MED13L: variants seen among roughly 807,000 people sequenced by gnomAD.
MED13L encodes the protein mediator complex subunit 13L.
Under a neutral mutation model 220.9 loss-of-function variants are expected in MED13L, and 7 were observed. The observed-to-expected ratio is 0.03, with a 90% CI of 0.02 to 0.06. The LOEUF (loss-of-function observed/expected upper bound fraction) is 0.06, where lower values mean the gene tolerates loss of function less well. MED13L is among the 10% of genes least tolerant of loss of function. MED13L has a pLI of 1.00. For synonymous variants in MED13L, 1,011 were observed against 1,015.2 expected (o/e 1.00, Z 0.08); for missense variants, 1,965 against 2,760.5 (o/e 0.71, Z 6.46).
rs141224767 is a variant in MED13L at position 116,169,418 on chromosome 12, TATAAC to T, written c.311-57911_311-57907del. On this transcript the variant is annotated intron_variant, in intron 2 of 30. Transcript: ENST00000281928. ...AAATGATTTCTGGAAATATAACTAA[TATAAC>T]ATACATAAATTTAGTGAGAAGAGGT... 5.4e-3 allele frequency among the ~76,000 whole-genome samples: 817 copies of T among 152,318 alleles called. 7 individuals are homozygous for T. The highest frequency in any genetic ancestry group is 0.018 in the African/African-American group (767 of 41,566).
intron 4 of MED13L, among the ~76,000 whole-genome samples, chr12:116,055,384 G>A (rs1282455792): frequency 6.6e-6 from 1 of 152,146 alleles, no homozygotes; most frequent in Non-Finnish European, 1.5e-5. Context: ...ATTAAAATAG[G>A]TGCAACTCAG....
At chr12:116,149,104 C>G (rs1230163861) in intron 2 of MED13L, among the ~76,000 whole-genome samples, 1 of 152,144 alleles carries the variant, frequency 6.6e-6, no homozygotes, top group Non-Finnish European at 1.5e-5. Flanking sequence ...GTACCATGTG[C>G]CCAGAATAGG....
At chr12:116,271,679 A>T (rs1254389934) in intron 1 of MED13L, among the ~76,000 whole-genome samples, 1 of 152,142 alleles carries the variant, frequency 6.6e-6, no homozygotes, top group Non-Finnish European at 1.5e-5. Context: ...GGTGGCCAAC[A>T]TCACACAACA....
At chr12:116,135,072 G>A (rs147700468) in intron 2 of MED13L, among the ~76,000 whole-genome samples, 1 of 152,316 alleles carries the variant, frequency 6.6e-6, no homozygotes, top group East Asian at 1.9e-4. Flanking sequence ...GGGAGGCTGA[G>A]ACAGGAGAAT....
At chr12:116,126,602 C>A (rs941141103) in intron 2 of MED13L, among the ~76,000 whole-genome samples, 1 of 152,060 alleles carries the variant, frequency 6.6e-6, no homozygotes, top group African/African-American at 2.4e-5. Flanking sequence ...CAAATAAATA[C>A]AAAGAGTTTG....
At chr12:116,097,942 G>A (rs973901207) in intron 3 of MED13L, among the ~76,000 whole-genome samples, 2 of 152,128 alleles carry the variant, frequency 1.3e-5, no homozygotes, top group African/African-American at 4.8e-5. Context: ...GAGTATAACT[G>A]ATTTTAAAAA....
chr12:116,167,537 T>C (rs927147131), intron 2 of MED13L, among the ~76,000 whole-genome samples: 17 of 152,188 alleles, frequency 1.1e-4, no homozygotes, highest in African/African-American at 4.1e-4. Flanking sequence ...GTAAGGGCCA[T>C]CACTTACAAG....
chr12:116,250,724 C>T (rs1310657308), intron 1 of MED13L, among the ~76,000 whole-genome samples: 1 of 142,910 alleles, frequency 7.0e-6, no homozygotes, highest in Non-Finnish European at 1.5e-5. Flanking sequence ...TTGCAGTGAG[C>T]TGAGATCGCA....
chr12:116,171,666 T>C (rs921144044), intron 2 of MED13L, among the ~76,000 whole-genome samples: 1 of 152,182 alleles, frequency 6.6e-6, no homozygotes, highest in Non-Finnish European at 1.5e-5. Context: ...CTGATGAAGA[T>C]AAAGGCAACT....
At chr12:116,249,780 C>T (rs528980057) in intron 1 of MED13L, among the ~76,000 whole-genome samples, 9 of 92,508 alleles carry the variant, frequency 9.7e-5, no homozygotes, top group Non-Finnish European at 2.1e-4. Flanking sequence ...TTAAAACATA[C>T]GATATTAACT....
intron 3 of MED13L, among the ~76,000 whole-genome samples, chr12:116,110,891 A>AG (rs1463353045): frequency 6.6e-6 from 1 of 152,184 alleles, no homozygotes; most frequent in Non-Finnish European, 1.5e-5. Flanking sequence ...ATGTCAAGAA[A>AG]GAAAAAAAAG....
intron 17 of MED13L, 33 bp downstream of exon 17, chr12:115,990,987 C>T (rs768349809): frequency 8.7e-6 from 14 of 1,601,528 alleles, no homozygotes; most frequent in Non-Finnish European, 5.1e-6. Context: ...CCAAGATACT[C>T]CTCAAAGTAA....
intron 2 of MED13L, among the ~76,000 whole-genome samples, chr12:116,189,106 T>A (rs1049267033): frequency 6.6e-6 from 1 of 152,192 alleles, no homozygotes; most frequent in Non-Finnish European, 1.5e-5. Context: ...ATAGTTGGCA[T>A]GTTTTGTTTT....
At position 116,086,577 on chromosome 12, in the gene MED13L, C is replaced by T. The variant is rs567537479; in HGVS notation, c.479+10092G>A. On this transcript the variant is annotated intron_variant, in intron 4 of 30. Transcript: ENST00000281928. ...GATTACAGGCGTGAGCTACTGTGCC[C>T]GCCCCATGATATTCTTTAACCATAA... is the stretch of plus-strand genomic sequence containing the variant. Among the ~76,000 whole-genome samples the T allele has an allele frequency of 4.6e-5, 7 of 152,130 alleles. No individual in the cohort carries two copies. In the East Asian group the frequency reaches 5.8e-4, roughly 13 times the overall value.
At chr12:116,127,873 C>T (rs1875725997) in intron 2 of MED13L, among the ~76,000 whole-genome samples, 1 of 152,162 alleles carries the variant, frequency 6.6e-6, no homozygotes, top group Non-Finnish European at 1.5e-5. Context: ...ATTTAATAAG[C>T]TCCTTACCAT....
At chr12:116,165,433 C>T (rs1322270675) in intron 2 of MED13L, among the ~76,000 whole-genome samples, 2 of 151,922 alleles carry the variant, frequency 1.3e-5, no homozygotes, top group East Asian at 3.9e-4. Flanking sequence ...CGAGTTCACG[C>T]CATTCTCCTA....
At chr12:116,236,080 A>T (rs953578557) in intron 2 of MED13L, among the ~76,000 whole-genome samples, 4 of 152,194 alleles carry the variant, frequency 2.6e-5, no homozygotes, top group African/African-American at 9.6e-5. Context: ...GTGACATCTT[A>T]TTTTTAAAAT....
At chr12:115,981,577 G>A (rs1257257638) in intron 22 of MED13L, among the ~76,000 whole-genome samples, 1 of 152,088 alleles carries the variant, frequency 6.6e-6, no homozygotes, top group African/African-American at 2.4e-5. Flanking sequence ...AACCTCTTTT[G>A]GAATGGAATT....
At chr12:116,151,654 T>A (rs368356542) in intron 2 of MED13L, among the ~76,000 whole-genome samples, 2 of 152,174 alleles carry the variant, frequency 1.3e-5, no homozygotes. Flanking sequence ...AAAATCAAAA[T>A]TAGCCATAAT....
Sources: gnomAD v4.1 joint callset for allele counts (sites outside exome capture counted in the v4.1 genomes callset) on GRCh38, gnomAD v4.1.1 for gene constraint, MANE v1.5 for transcripts, NCBI Gene and HGNC (gene_info 2026-07-23, HGNC 2026-07-21) for gene names.